The following C12orf42 variants were observed in gnomAD, a reference collection of about 807,000 sequenced individuals.
C12orf42 encodes uncharacterized protein C12orf42.
Under a neutral mutation model 21.6 loss-of-function variants are expected in C12orf42, and 25 were observed. The ratio of observed to expected loss-of-function variants is 1.16; its 90% CI spans 0.84 to 1.62. C12orf42 has a LOEUF of 1.62. C12orf42 is among the 40% of genes most tolerant of loss of function. C12orf42 has a pLI of 0.00. For synonymous variants in C12orf42, 174 were observed against 175.0 expected, an observed-to-expected ratio of 0.99 and a Z score of 0.05; for missense variants, 483 against 459.3, an observed-to-expected ratio of 1.05 and a Z score of -0.47.
chr12:103,505,383 C>T, the C12orf42 span: 3 of 323,254 alleles, frequency 9.3e-6, no homozygotes, highest in South Asian at 5.4e-5. Flanking sequence ...GAAGGCTGCA[C>T]GTCTGACCCC....
chr12:103,350,475 T>C (rs377220314), intron 4 of C12orf42, among the ~76,000 whole-genome samples: 1 of 152,298 alleles, frequency 6.6e-6, no homozygotes, highest in East Asian at 1.9e-4. Context: ...AGAGTAGTGA[T>C]ACTGGCGTAA....
At chr12:103,525,811 C>G in the C12orf42 span, among the ~76,000 whole-genome samples, 5 of 152,126 alleles carry the variant, frequency 3.3e-5, no homozygotes, top group Admixed American at 1.3e-4. Flanking sequence ...AGATGAATCA[C>G]AAGGTCAGGA....
At chr12:103,437,364 C>T (rs898075246) in intron 2 of C12orf42, among the ~76,000 whole-genome samples, 3 of 151,900 alleles carry the variant, frequency 2.0e-5, no homozygotes, top group African/African-American at 7.3e-5. Context: ...CAAGCGCAAA[C>T]ACATTCAAAA....
At chr12:103,439,371 C>T (rs976263781) in intron 2 of C12orf42, among the ~76,000 whole-genome samples, 2 of 151,204 alleles carry the variant, frequency 1.3e-5, no homozygotes, top group South Asian at 2.1e-4. Context: ...TCCGAAACAC[C>T]AAAAGCAATG....
At chr12:103,107,405 C>A in the C12orf42 span, among the ~76,000 whole-genome samples, 1 of 151,672 alleles carries the variant, frequency 6.6e-6, no homozygotes, top group Non-Finnish European at 1.5e-5. Flanking sequence ...CCCAGAAAAT[C>A]GAAATACACA....
chr12:103,329,211 C>G (rs1424407634), intron 4 of C12orf42, among the ~76,000 whole-genome samples: 1 of 152,120 alleles, frequency 6.6e-6, no homozygotes, highest in Admixed American at 6.5e-5. Context: ...ATCAGGGACA[C>G]AGAGAAGGCT....
the C12orf42 span, among the ~76,000 whole-genome samples, chr12:103,222,911 GCT>G: frequency 8.1e-4 from 121 of 148,972 alleles, no homozygotes; most frequent in African/African-American, 2.9e-3. Flanking sequence ...TGGGAATCTT[GCT>G]CTGTTATTTC....
chr12:103,384,885 C>T (rs1401495862), intron 3 of C12orf42, among the ~76,000 whole-genome samples: 2 of 152,168 alleles, frequency 1.3e-5, no homozygotes, highest in Admixed American at 6.5e-5. Flanking sequence ...GACCTAGGTT[C>T]GTGTCTGAAG....
chr12:103,507,133 TA>T, the C12orf42 span, among the ~76,000 whole-genome samples: 158 of 19,146 alleles, frequency 8.3e-3, 9 homozygotes, highest in African/African-American at 0.021. Flanking sequence ...ATATAATATA[TA>T]TTATATATAT....
At chr12:103,192,187 T>C in the C12orf42 span, among the ~76,000 whole-genome samples, 1 of 152,052 alleles carries the variant, frequency 6.6e-6, no homozygotes, top group Non-Finnish European at 1.5e-5. Context: ...AAAGATCCAA[T>C]TATATGCCAC....
At chr12:103,346,206 T>A (rs2042609413) in intron 4 of C12orf42, among the ~76,000 whole-genome samples, 1 of 152,204 alleles carries the variant, frequency 6.6e-6, no homozygotes, top group South Asian at 2.1e-4. Context: ...CTTAATTATA[T>A]GCCATTAAAT....
At chr12:103,169,434 A>G in the C12orf42 span, among the ~76,000 whole-genome samples, 18 of 152,092 alleles carry the variant, frequency 1.2e-4, no homozygotes, top group African/African-American at 4.3e-4. Context: ...AAAAAAAAAA[A>G]TCAGAACATC....
the C12orf42 span, among the ~76,000 whole-genome samples, chr12:103,194,067 T>C: frequency 4.0e-5 from 6 of 151,622 alleles, no homozygotes; most frequent in African/African-American, 1.5e-4. Context: ...AAATGAAGGA[T>C]AAAATCATAT....
At chr12:103,422,811 C>T (rs2139153639) in intron 2 of C12orf42, among the ~76,000 whole-genome samples, 1 of 150,116 alleles carries the variant, frequency 6.7e-6, no homozygotes, top group South Asian at 2.1e-4. Context: ...CCCAACAAAA[C>T]TAAATTGCAA....
chr12:103,488,147 C>A (rs1024673742), intron 1 of C12orf42, among the ~76,000 whole-genome samples: 3 of 152,096 alleles, frequency 2.0e-5, no homozygotes, highest in African/African-American at 7.2e-5. Flanking sequence ...GTAAGGCAGG[C>A]CTGGTGGTGA....
the C12orf42 span, among the ~76,000 whole-genome samples, chr12:103,209,821 A>G: frequency 6.6e-6 from 1 of 152,188 alleles, no homozygotes; most frequent in Admixed American, 6.5e-5. Context: ...CCACACGTCT[A>G]TGTATACGGT....
At chr12:103,473,780 G>A (rs1162752738) in intron 2 of C12orf42, among the ~76,000 whole-genome samples, 1 of 152,124 alleles carries the variant, frequency 6.6e-6, no homozygotes, top group Non-Finnish European at 1.5e-5. Flanking sequence ...GGGGAATTGG[G>A]AATGCCATAT....
the C12orf42 span, among the ~76,000 whole-genome samples, chr12:103,554,644 G>T: frequency 2.0e-5 from 3 of 152,114 alleles, no homozygotes; most frequent in African/African-American, 7.2e-5. Context: ...TTCTGAAGAG[G>T]CCCCAGAAAA....
intron 2 of C12orf42, among the ~76,000 whole-genome samples, chr12:103,471,493 G>A (rs1555211211): frequency 6.6e-6 from 1 of 152,196 alleles, no homozygotes; most frequent in Non-Finnish European, 1.5e-5. Context: ...TGAGTTGTAT[G>A]TTAAGCAGTT....
Sources: gnomAD v4.1 joint callset for allele counts (sites outside exome capture counted in the v4.1 genomes callset) on GRCh38, gnomAD v4.1.1 for gene constraint, MANE v1.5 for transcripts, NCBI Gene and HGNC (gene_info 2026-07-23, HGNC 2026-07-21) for gene names.